Variants in PPM1L observed in about 807,000 individuals in gnomAD.
The protein encoded by PPM1L is protein phosphatase 1L.
Under a neutral mutation model 31.4 loss-of-function variants are expected in PPM1L, and 13 were observed. That is an observed-to-expected ratio of 0.41 (90% confidence interval 0.27 to 0.66). The LOEUF (loss-of-function observed/expected upper bound fraction) is 0.66. PPM1L is among the 30% of genes least tolerant of loss of function. The pLI, the probability that PPM1L is intolerant of heterozygous loss-of-function variation, is 0.29. For synonymous variants in PPM1L, 184 were observed against 175.4 expected (o/e 1.05, Z -0.39); for missense variants, 326 against 453.7 (o/e 0.72, Z 2.56).
At chr3:160,867,113 C>T (rs764258299) in intron 1 of PPM1L, among the ~76,000 whole-genome samples, 1 of 151,952 alleles carries the variant, frequency 6.6e-6, no homozygotes, top group Non-Finnish European at 1.5e-5. Flanking sequence ...GTGCTGGGAG[C>T]CTGTATATAT....
intron 1 of PPM1L, among the ~76,000 whole-genome samples, chr3:160,825,307 T>C (rs1037202906): frequency 6.6e-6 from 1 of 152,138 alleles, no homozygotes; most frequent in African/African-American, 2.4e-5. Flanking sequence ...TTATTAATAA[T>C]ATTAACAAAT....
intron 2 of PPM1L, among the ~76,000 whole-genome samples, chr3:161,015,190 TTAA>T (rs5853918): frequency 0.22 from 33,331 of 151,896 alleles, 3,940 homozygotes; most frequent in South Asian, 0.3. Context: ...TATTTTTAAA[TTAA>T]TAATCATGCG....
chr3:160,840,170 A>T (rs1713828267), intron 1 of PPM1L, among the ~76,000 whole-genome samples: 1 of 152,152 alleles, frequency 6.6e-6, no homozygotes, highest in Non-Finnish European at 1.5e-5. Context: ...TACTTTTAAA[A>T]TGTTTCCTTG....
intron 1 of PPM1L, among the ~76,000 whole-genome samples, chr3:160,866,375 C>T (rs901377684): frequency 1.3e-5 from 2 of 152,098 alleles, no homozygotes; most frequent in African/African-American, 4.8e-5. Context: ...CATACATAGT[C>T]CATGAAAACA....
At chr3:160,785,677 T>C (rs1245181627) in intron 1 of PPM1L, among the ~76,000 whole-genome samples, 1 of 152,202 alleles carries the variant, frequency 6.6e-6, no homozygotes, top group Non-Finnish European at 1.5e-5. Context: ...AGAGATGAAC[T>C]TAGACACATC....
chr3:160,973,140 T>G (rs369920828), intron 2 of PPM1L, among the ~76,000 whole-genome samples: 192 of 152,368 alleles, frequency 1.3e-3, no homozygotes, highest in African/African-American at 4.4e-3. Flanking sequence ...AGAACTTTGC[T>G]GAGAAAACCA....
chr3:160,872,436 T>C (rs140160121), intron 1 of PPM1L, among the ~76,000 whole-genome samples: 1 of 152,158 alleles, frequency 6.6e-6, no homozygotes, highest in East Asian at 1.9e-4. Flanking sequence ...TACTAGGAAC[T>C]GGGGATATAG....
intron 2 of PPM1L, among the ~76,000 whole-genome samples, chr3:161,025,790 C>T (rs1035233472): frequency 6.6e-5 from 10 of 151,910 alleles, no homozygotes; most frequent in Non-Finnish European, 1.5e-4. Context: ...TAAACTAAGA[C>T]GATAGGTTAA....
At chr3:160,854,363 A>T (rs1254544133) in intron 1 of PPM1L, among the ~76,000 whole-genome samples, 1 of 152,156 alleles carries the variant, frequency 6.6e-6, no homozygotes, top group Non-Finnish European at 1.5e-5. Context: ...AGATGGTGGA[A>T]TGTATAAGGT....
chr3:161,039,321 G>T (rs1368685261), intron 2 of PPM1L, among the ~76,000 whole-genome samples: 1 of 152,084 alleles, frequency 6.6e-6, no homozygotes, highest in East Asian at 1.9e-4. Flanking sequence ...CACCAATTAA[G>T]AATGAGACAA....
chr3:160,960,568 G>T (rs1456088953), intron 1 of PPM1L, among the ~76,000 whole-genome samples: 635 of 12,436 alleles, frequency 0.051, 6 homozygotes, highest in Middle Eastern at 0.12. Flanking sequence ...TTGTGTGTGT[G>T]TGTGTGTGTG....
chr3:160,976,192 A>G (rs1576756220), intron 2 of PPM1L, among the ~76,000 whole-genome samples: 5 of 127,978 alleles, frequency 3.9e-5, no homozygotes, highest in Admixed American at 3.4e-4. Flanking sequence ...ATTTGCATAT[A>G]TTGAACCAGC....
intron 1 of PPM1L, among the ~76,000 whole-genome samples, chr3:160,930,715 G>A (rs548476066): frequency 3.2e-4 from 49 of 152,314 alleles, no homozygotes; most frequent in African/African-American, 1.1e-3. Flanking sequence ...TGGGAAACAC[G>A]CAGGAGTGGT....
chr3:160,856,966 A>T (rs1316361253), intron 1 of PPM1L, among the ~76,000 whole-genome samples: 1 of 152,080 alleles, frequency 6.6e-6, no homozygotes, highest in African/African-American at 2.4e-5. Flanking sequence ...GTTTTAACCA[A>T]ATTTCTGAAA....
In PPM1L at chr3:160,771,072, A is replaced by C. The variant is rs185797702; in HGVS notation, c.399+14365A>C. On this transcript the variant is annotated intron_variant, in intron 1 of 3. Transcript: ENST00000498165. ...TTATAAATGTGTAATATCCAAAGTTAAAATTTATTCCAAAGAATAAAGTAT... is the reference window on the plus strand; with the variant it reads ...TTATAAATGTGTAATATCCAAAGTTCAAATTTATTCCAAAGAATAAAGTAT... Among the ~76,000 whole-genome samples, 82 of 152,340 alleles carry C rather than the reference A, an allele frequency of 5.4e-4. No homozygotes were observed. In the East Asian group the frequency reaches 0.011, roughly 21 times the overall value.
At chr3:161,060,251 AG>A (rs34794374) in intron 2 of PPM1L, among the ~76,000 whole-genome samples, 40,653 of 152,022 alleles carry the variant, frequency 0.27, 6,009 homozygotes, top group East Asian at 0.58. Context: ...ACCAATGTCA[AG>A]GACAGGAGAA....
chr3:160,875,825 C>T (rs867908586), intron 1 of PPM1L, among the ~76,000 whole-genome samples: 2 of 152,276 alleles, frequency 1.3e-5, no homozygotes, highest in Middle Eastern at 3.4e-3. Context: ...TGTTCATAAC[C>T]GTCATGCAGA....
intron 1 of PPM1L, among the ~76,000 whole-genome samples, chr3:160,908,283 G>A (rs1713832805): frequency 1.3e-5 from 2 of 152,152 alleles, no homozygotes; most frequent in Admixed American, 6.5e-5. Context: ...CACAAGCATG[G>A]TGTAAGAGTG....
intron 2 of PPM1L, among the ~76,000 whole-genome samples, chr3:161,062,817 T>C (rs992992730): frequency 6.6e-6 from 1 of 152,110 alleles, no homozygotes; most frequent in African/African-American, 2.4e-5. Flanking sequence ...TCCCCTTCCC[T>C]CTCATGGAGG....
Sources: gnomAD v4.1 joint callset for allele counts (sites outside exome capture counted in the v4.1 genomes callset) on GRCh38, gnomAD v4.1.1 for gene constraint, MANE v1.5 for transcripts, NCBI Gene and HGNC (gene_info 2026-07-23, HGNC 2026-07-21) for gene names.